Variants in BTBD9 observed in about 807,000 individuals in gnomAD.
BTBD9 encodes BTB/POZ domain-containing protein 9.
BTBD9 carries 49 observed loss-of-function variants against 64.3 expected under a neutral mutation model. The observed-to-expected ratio is 0.76, with a 90% CI of 0.61 to 0.97. The LOEUF is 0.97. Among genes scored for constraint, BTBD9 ranks in the 50% least tolerant of loss-of-function variants. The pLI, the probability that BTBD9 is intolerant of heterozygous loss-of-function variation, is 0.00. For synonymous variants in BTBD9, 260 were observed against 274.7 expected (o/e 0.95, Z 0.53); for missense variants, 598 against 762.1 (o/e 0.78, Z 2.53).
Position 38,453,746 on chromosome 6 carries a change from A to G in BTBD9, c.1155-108653T>C, listed in dbSNP as rs117075665. On this transcript the variant is annotated intron_variant, in intron 6 of 10. Transcript: ENST00000481247. ...TGGAACATCAAATGTCCCTCTGCCTATCATCCCAAATGGAGAGAGAAGATG... is the reference window on the plus strand; with the variant it reads ...TGGAACATCAAATGTCCCTCTGCCTGTCATCCCAAATGGAGAGAGAAGATG... 5.8e-3 allele frequency among the ~76,000 whole-genome samples: 889 copies of G among 152,292 alleles called. 15 individuals carry two copies. The highest frequency in any genetic ancestry group is 0.055 in the East Asian group (287 of 5,196).
At chr6:38,524,547 A>T (rs1400874451) in intron 6 of BTBD9, among the ~76,000 whole-genome samples, 1 of 152,224 alleles carries the variant, frequency 6.6e-6, no homozygotes, top group African/African-American at 2.4e-5. Flanking sequence ...CTTATAGAAC[A>T]TGATTTTAAT....
chr6:38,376,301 G>A (rs1290659745), intron 6 of BTBD9, among the ~76,000 whole-genome samples: 2 of 152,128 alleles, frequency 1.3e-5, no homozygotes, highest in Non-Finnish European at 1.5e-5. Flanking sequence ...GGACCTGCTC[G>A]CTACAAATAA....
intron 8 of BTBD9, among the ~76,000 whole-genome samples, chr6:38,262,620 C>T (rs1356531782): frequency 1.3e-5 from 2 of 152,076 alleles, no homozygotes; most frequent in Non-Finnish European, 1.5e-5. Context: ...AATTCAATAG[C>T]GAATATGTTT....
At chr6:38,480,777 TTCCAGTGCCAGTTTTAGA>T (rs1771103565) in intron 6 of BTBD9, among the ~76,000 whole-genome samples, 3 of 152,148 alleles carry the variant, frequency 2.0e-5, no homozygotes, top group African/African-American at 7.2e-5. Context: ...GAGTGGATGA[TTCCAGTGCCAGTTTTAGA>T]TCCAGTGCCT....
chr6:38,464,880 C>T (rs62397055), intron 6 of BTBD9, among the ~76,000 whole-genome samples: 28,747 of 152,018 alleles, frequency 0.19, 3,269 homozygotes, highest in East Asian at 0.38. Context: ...GGAAATATTC[C>T]CTTCTGTTCA....
intron 6 of BTBD9, among the ~76,000 whole-genome samples, chr6:38,358,147 T>C (rs1764806268): frequency 6.6e-6 from 1 of 152,094 alleles, no homozygotes. Context: ...TCTGTTTATC[T>C]TGATAACTGT....
rs768541771 is a variant in BTBD9, at chr6:38,592,823, G to A, written c.567C>T (p.Ile189=). The change falls in exon 4 of 11, where the codon ATC becomes ATT. Residue 189 remains isoleucine, a synonymous_variant. Transcript: ENST00000481247. ...GAGCTGCAAATGAGTCTCTTAACAC[G>A]ATGTTTAAAAGTGCTGTCTGAAAAG... is the stretch of plus-strand genomic sequence containing the variant. ...LSLSKTALLN[I]VLRDSFAAPE... 17 of 1,614,038 alleles carry A rather than the reference G, an allele frequency of 1.1e-5. No homozygotes were observed. The highest frequency in any genetic ancestry group is 6.7e-5 in the East Asian group (3 of 44,886).
chr6:38,175,581 G>A (rs1397282366), intron 10 of BTBD9, among the ~76,000 whole-genome samples: 6 of 152,076 alleles, frequency 3.9e-5, no homozygotes, highest in African/African-American at 7.2e-5. Flanking sequence ...GTGGTGGTTC[G>A]ATTCTGTGAG....
chr6:38,423,906 C>A (rs545154288), intron 6 of BTBD9, among the ~76,000 whole-genome samples: 1 of 151,590 alleles, frequency 6.6e-6, no homozygotes, highest in South Asian at 2.1e-4. Flanking sequence ...AGGGCCCGTG[C>A]CATGTTCAGC....
intron 7 of BTBD9, among the ~76,000 whole-genome samples, chr6:38,301,768 T>C (rs1160056849): frequency 1.3e-5 from 2 of 152,174 alleles, no homozygotes; most frequent in Admixed American, 1.3e-4. Context: ...ATATTAGTCT[T>C]GCTAGCAGTC....
chr6:38,451,270 A>G (rs148218971), intron 6 of BTBD9, among the ~76,000 whole-genome samples: 71 of 152,310 alleles, frequency 4.7e-4, no homozygotes, highest in African/African-American at 1.5e-3. Flanking sequence ...TGTTATAAAC[A>G]TAACTTGACA....
At chr6:38,390,388 G>C (rs1361613351) in intron 6 of BTBD9, among the ~76,000 whole-genome samples, 1 of 152,148 alleles carries the variant, frequency 6.6e-6, no homozygotes, top group Non-Finnish European at 1.5e-5. Context: ...CCTAGCCCAT[G>C]TGTAAATTTT....
Position 38,184,397 on chromosome 6 carries a change from G to A in BTBD9, c.1641+8122C>T, listed in dbSNP as rs545894608. Among the ~76,000 whole-genome samples the A allele has an allele frequency of 5.9e-5, 9 of 152,344 alleles. No homozygotes were observed. In the East Asian group the frequency reaches 1.5e-3, roughly 26 times the overall value. On this transcript the variant is annotated intron_variant, in intron 10 of 10. Transcript: ENST00000481247. This position sits in a 1 kb window ranked among gnomAD's most constrained non-coding sequence, Gnocchi z 4.4. ...TTCCATTATTTCTATTCCCAAGCAG[G>A]TTTTCTTTGTGGGCATCCATTTCCA...
chr6:38,570,509 A>G (rs527356241), intron 6 of BTBD9, among the ~76,000 whole-genome samples: 1 of 152,280 alleles, frequency 6.6e-6, no homozygotes, highest in East Asian at 1.9e-4. Flanking sequence ...TAAATGTTAG[A>G]CTGTTCCCTT....
chr6:38,475,166 C>T (rs143123242), intron 6 of BTBD9, among the ~76,000 whole-genome samples: 5 of 152,186 alleles, frequency 3.3e-5, no homozygotes, highest in Admixed American at 6.5e-5. Flanking sequence ...AGAATACATA[C>T]ATATACACAT....
chr6:38,256,582 G>T, intron 8 of BTBD9, 66 bp from the exon 9 acceptor site: 3 of 1,146,316 alleles, frequency 2.6e-6, no homozygotes, highest in Non-Finnish European at 3.9e-6. Flanking sequence ...TAGGTTGTGG[G>T]CATATCCCTC....
In BTBD9 at chr6:38,187,730, C is replaced by CT. The variant is rs950737212; in HGVS notation, c.1641+4788dup. Among the ~76,000 whole-genome samples the CT allele has an allele frequency of 2.4e-4, 36 of 152,246 alleles. 1 individual carries two copies. The highest frequency in any genetic ancestry group is 8.7e-4 in the African/African-American group (36 of 41,562). ...GGGTCACAGAAGGAAGTGGTGGAGTCTTTAACAGGTAAGCATTGGGGGAAT... is the reference window on the plus strand; with the variant it reads ...GGGTCACAGAAGGAAGTGGTGGAGTCTTTTAACAGGTAAGCATTGGGGGAAT... On this transcript the variant is annotated intron_variant, in intron 10 of 10. Transcript: ENST00000481247.
chr6:38,352,237 C>A (rs1764546947), intron 6 of BTBD9, among the ~76,000 whole-genome samples: 1 of 151,960 alleles, frequency 6.6e-6, no homozygotes, highest in Non-Finnish European at 1.5e-5. Flanking sequence ...ACTAGCCAGG[C>A]ATGGTGGTGC....
At chr6:38,434,550 C>G (rs10807195) in intron 6 of BTBD9, among the ~76,000 whole-genome samples, 1 of 151,606 alleles carries the variant, frequency 6.6e-6, no homozygotes, top group Non-Finnish European at 1.5e-5. Context: ...GTATAAAAAA[C>G]CAAACTGCAC....
Sources: gnomAD v4.1 joint callset for allele counts (sites outside exome capture counted in the v4.1 genomes callset) on GRCh38, gnomAD v4.1.1 for gene constraint, Gnocchi (gnomAD v3.1) non-coding constraint, MANE v1.5 for transcripts, NCBI Gene and HGNC (gene_info 2026-07-23, HGNC 2026-07-21) for gene names.